The following FAM135A variants were observed in gnomAD, a reference collection of about 807,000 sequenced individuals.
FAM135A encodes family with sequence similarity 135 member A.
FAM135A carries 79 observed loss-of-function variants against 146.8 expected under a neutral mutation model. The ratio of observed to expected loss-of-function variants is 0.54; its 90% CI spans 0.45 to 0.65. The LOEUF (loss-of-function observed/expected upper bound fraction) is 0.65. Among genes scored for constraint, FAM135A ranks in the 30% least tolerant of loss-of-function variants. The pLI is 0.00. For synonymous variants in FAM135A, 562 were observed against 603.6 expected (o/e 0.93, Z 1.01); for missense variants, 1,623 against 1,758.2 (o/e 0.92, Z 1.38).
intron 11 of FAM135A, among the ~76,000 whole-genome samples, chr6:70,500,733 G>C (rs1378129998): frequency 6.6e-6 from 1 of 152,168 alleles, no homozygotes; most frequent in African/African-American, 2.4e-5. Context: ...CTAACAGTAA[G>C]GCCCCTCTGC....
intron 14 of FAM135A, 57 bp from the exon 15 acceptor site, chr6:70,524,286 T>C: frequency 7.0e-7 from 1 of 1,434,334 alleles, no homozygotes; most frequent in Admixed American, 2.9e-5. Flanking sequence ...GAAGTCTTAA[T>C]CATATGAGTT....
rs111964828 is a variant in FAM135A at position 70,532,708 on chromosome 6, G to A, written c.3776-452G>A. Among the ~76,000 whole-genome samples, 651 of 152,242 alleles carry A rather than the reference G, an allele frequency of 4.3e-3. 4 individuals are homozygous for A. Among genetic ancestry groups the A allele is most frequent in the African/African-American group, 0.015 (613 of 41,564 alleles). ...AGCACTTTGGGAGGCCAAGGCCAGC[G>A]GATCACAAGGTCAGGAGATCAAGAC... On this transcript the variant is annotated intron_variant, in intron 16 of 21. Coordinates refer to ENST00000418814, the MANE Select transcript of FAM135A (RefSeq NM_001162529.3).
At chr6:70,532,170 C>A (rs1156415245) in intron 16 of FAM135A, among the ~76,000 whole-genome samples, 2 of 152,048 alleles carry the variant, frequency 1.3e-5, no homozygotes, top group Non-Finnish European at 1.5e-5. Context: ...GCCACCGTGC[C>A]CGGCCTCAAA....
At chr6:70,426,674 A>G (rs983366381) in intron 3 of FAM135A, 142 bp downstream of exon 3, 6 of 152,224 alleles carry the variant, frequency 3.9e-5, no homozygotes, top group African/African-American at 1.4e-4. Context: ...CCACGGTGCC[A>G]TGGATGTTGG....
At chr6:70,452,836 A>G (rs142684189) in intron 5 of FAM135A, among the ~76,000 whole-genome samples, 1 of 152,192 alleles carries the variant, frequency 6.6e-6, no homozygotes, top group Non-Finnish European at 1.5e-5. Flanking sequence ...CCATTATATC[A>G]TATAAGATGC....
intron 8 of FAM135A, among the ~76,000 whole-genome samples, chr6:70,480,597 T>G (rs890286653): frequency 6.6e-6 from 1 of 152,164 alleles, no homozygotes; most frequent in African/African-American, 2.4e-5. Context: ...AATTCAAGCT[T>G]GGCTTTCATT....
Position 70,556,000 on chromosome 6 carries a change from T to G in FAM135A, c.4229-750T>G, listed in dbSNP as rs141951197. ...CAGGCATGGTGGTTCATTCCTGTAA[T>G]CCCAGCATTTTGAGAGGTGGGCAGA... On this transcript the variant is annotated intron_variant, in intron 20 of 21. Transcript: ENST00000418814. 1.8e-3 allele frequency among the ~76,000 whole-genome samples: 280 copies of G among 152,180 alleles called. 2 individuals are homozygous for G. Among genetic ancestry groups the G allele is most frequent in the African/African-American group, 6.3e-3 (263 of 41,534 alleles).
At chr6:70,546,693 C>T (rs1235288122) in intron 20 of FAM135A, among the ~76,000 whole-genome samples, 1 of 152,042 alleles carries the variant, frequency 6.6e-6, no homozygotes, top group Non-Finnish European at 1.5e-5. Flanking sequence ...TAAAGGGTTA[C>T]AGAAATGTTA....
chr6:70,414,150 G>C (rs1766959498), intron 1 of FAM135A: 24 of 611,398 alleles, frequency 3.9e-5, no homozygotes, highest in Non-Finnish European at 4.9e-5. Context: ...GCGTATCTCT[G>C]TGCTTCCATC....
intron 20 of FAM135A, among the ~76,000 whole-genome samples, chr6:70,542,278 C>CACACACACACACACA (rs1424633787): frequency 0.013 from 1,356 of 106,810 alleles, 23 homozygotes; most frequent in African/African-American, 0.047. Context: ...ACACACACAC[C>CACACACACACACACA]CTTTGCTGTG....
In FAM135A at chr6:70,475,556, A is replaced by T. The variant is rs372781443; in HGVS notation, c.297+7A>T. 35 of 1,582,310 alleles carry T rather than the reference A, an allele frequency of 2.2e-5. No individual in the cohort carries two copies. The African/African-American group carries it at 3.3e-4, about 15-fold the overall frequency. On this transcript the variant is annotated splice_region_variant and intron_variant, in intron 6 of 21. Coordinates refer to ENST00000418814, the MANE Select transcript of FAM135A (RefSeq NM_001162529.3). ...GCTATTGGATGAAAGAAAGGTAAAC[A>T]TCTCTTCATATTTATTTATGTAAAT...
At chr6:70,526,725 G>A in intron 15 of FAM135A, 27 bp downstream of exon 15, 1 of 1,519,214 alleles carries the variant, frequency 6.6e-7, no homozygotes, top group Non-Finnish European at 8.9e-7. Flanking sequence ...AATAGTACCT[G>A]CTGCTAAATA....
intron 12 of FAM135A, among the ~76,000 whole-genome samples, chr6:70,515,003 ATG>A (rs1037498494): frequency 2.0e-5 from 3 of 152,200 alleles, no homozygotes; most frequent in Non-Finnish European, 2.9e-5. Flanking sequence ...AGCCTTCTGT[ATG>A]GGGGAAATAA....
chr6:70,550,561 A>G lies in FAM135A; in HGVS notation c.4229-6189A>G, dbSNP rs1265153868. Among the ~76,000 whole-genome samples, 4 of 152,338 alleles carry G rather than the reference A, an allele frequency of 2.6e-5. No homozygotes were observed. In the East Asian group the frequency reaches 7.7e-4, roughly 29 times the overall value. Reference sequence around the variant, plus strand: ...AGTTATAGGTCTCAACTGTGGGCTTAAAATATTCAGTAACCCATGCTGTAA... The same window carrying G: ...AGTTATAGGTCTCAACTGTGGGCTTGAAATATTCAGTAACCCATGCTGTAA... On this transcript the variant is annotated intron_variant, in intron 20 of 21. Coordinates refer to ENST00000418814, the MANE Select transcript of FAM135A (RefSeq NM_001162529.3).
intron 2 of FAM135A, among the ~76,000 whole-genome samples, chr6:70,417,142 C>T (rs544848333): frequency 6.6e-6 from 1 of 152,098 alleles, no homozygotes; most frequent in African/African-American, 2.4e-5. Flanking sequence ...AACCGAGAAA[C>T]CATTCTGAGA....
intron 10 of FAM135A, 94 bp downstream of exon 10, chr6:70,482,248 C>A (rs1411079037): frequency 8.1e-7 from 1 of 1,240,704 alleles, no homozygotes; most frequent in Non-Finnish European, 1.1e-6. Flanking sequence ...TTTTTCTATA[C>A]TAAAACTACA....
At chr6:70,509,311 A>C (rs1790479368) in intron 12 of FAM135A, among the ~76,000 whole-genome samples, 1 of 151,720 alleles carries the variant, frequency 6.6e-6, no homozygotes, top group South Asian at 2.1e-4. Flanking sequence ...ATAAAATGGA[A>C]CTCTGCTTCT....
At chr6:70,521,286 G>A (rs1375762007) in intron 12 of FAM135A, among the ~76,000 whole-genome samples, 1 of 152,122 alleles carries the variant, frequency 6.6e-6, no homozygotes, top group Non-Finnish European at 1.5e-5. Context: ...AGGTCCAGCT[G>A]CAACTGCAGG....
chr6:70,455,245 G>A (rs531486681), intron 5 of FAM135A, among the ~76,000 whole-genome samples: 183 of 152,158 alleles, frequency 1.2e-3, no homozygotes, highest in African/African-American at 4.1e-3. Context: ...TTGGTGTATA[G>A]GAATGCTTGT....
Sources: allele counts gnomAD v4.1 joint callset (sites outside exome capture counted in the v4.1 genomes callset), GRCh38; gene constraint gnomAD v4.1.1; transcripts MANE v1.5; gene names NCBI Gene and HGNC (gene_info 2026-07-23, HGNC 2026-07-21).